FBN2: variants seen among roughly 807,000 people sequenced by gnomAD.
The protein encoded by FBN2 is fibrillin 2.
In FBN2, 105 loss-of-function variants were observed where a neutral mutation model predicts 355.6. The observed-to-expected ratio is 0.30, with a 90% CI of 0.25 to 0.35. FBN2 has a LOEUF of 0.35. FBN2 is among the 10% of genes least tolerant of loss of function. The pLI, the probability that FBN2 is intolerant of heterozygous loss-of-function variation, is 1.00. For synonymous variants in FBN2, 1,350 were observed against 1,301.2 expected, an observed-to-expected ratio of 1.04 and a Z score of -0.81; for missense variants, 3,280 against 3,758.7, an observed-to-expected ratio of 0.87 and a Z score of 3.33.
rs182151539 is a variant in FBN2 at position 128,277,200 on chromosome 5, A to T, written c.7471+680T>A. On this transcript the variant is annotated intron_variant, in intron 58 of 64. Coordinates refer to ENST00000262464, the MANE Select transcript of FBN2 (RefSeq NM_001999.4). ...TAATGAAATATAAAGGAGAAAAAAA[A>T]TTTTTTCTTTAATAAAAATGAAGTT... Among the ~76,000 whole-genome samples the T allele has an allele frequency of 6.3e-3, 965 of 152,248 alleles. 9 individuals are homozygous for T. The highest frequency in any genetic ancestry group is 0.022 in the African/African-American group (911 of 41,526).
At chr5:128,439,819 C>T (rs981354150) in intron 7 of FBN2, among the ~76,000 whole-genome samples, 1 of 152,006 alleles carries the variant, frequency 6.6e-6, no homozygotes, top group African/African-American at 2.4e-5. Context: ...AGGTCTAAGA[C>T]TATATAAAAA....
chr5:128,391,940 TATTC>T (rs1752522488), intron 11 of FBN2, 74 bp downstream of exon 11: 2 of 1,334,942 alleles, frequency 1.5e-6, no homozygotes, highest in Non-Finnish European at 2.1e-6. Context: ...AAAAAAATCA[TATTC>T]ATTCCAATTT....
At chr5:128,316,487 G>C (rs1581211060) in intron 36 of FBN2, among the ~76,000 whole-genome samples, 1 of 152,150 alleles carries the variant, frequency 6.6e-6, no homozygotes, top group African/African-American at 2.4e-5. Flanking sequence ...ACGCAATAAA[G>C]TGTCAATCCA....
At chr5:128,510,908 C>T (rs566243902) in intron 5 of FBN2, among the ~76,000 whole-genome samples, 1 of 152,246 alleles carries the variant, frequency 6.6e-6, no homozygotes, top group South Asian at 2.1e-4. Context: ...GGTTATACCA[C>T]CAGTGTTCCA....
intron 11 of FBN2, among the ~76,000 whole-genome samples, chr5:128,388,150 T>C (rs1158290867): frequency 6.6e-6 from 1 of 152,158 alleles, no homozygotes; most frequent in East Asian, 1.9e-4. Flanking sequence ...TTGTCTTAAA[T>C]TAGAATAGCA....
intron 5 of FBN2, among the ~76,000 whole-genome samples, chr5:128,517,724 A>C (rs1362718867): frequency 6.6e-6 from 1 of 152,308 alleles, no homozygotes; most frequent in African/African-American, 2.4e-5. Context: ...TGTCAGGGTA[A>C]TGAGTATAAT....
intron 34 of FBN2, among the ~76,000 whole-genome samples, chr5:128,321,226 T>C (rs758165499): frequency 1.7e-4 from 26 of 152,188 alleles, no homozygotes; most frequent in Non-Finnish European, 3.7e-4. Flanking sequence ...TTTTTCACAT[T>C]TCCTCAGAAT....
intron 5 of FBN2, among the ~76,000 whole-genome samples, chr5:128,468,026 A>G (rs1303199058): frequency 1.3e-5 from 2 of 152,168 alleles, no homozygotes; most frequent in Non-Finnish European, 2.9e-5. Context: ...TTTTTAGTAA[A>G]TTTATTGAAT....
At chr5:128,281,299 G>A (rs759766867) in intron 55 of FBN2, among the ~76,000 whole-genome samples, 1 of 152,234 alleles carries the variant, frequency 6.6e-6, no homozygotes, top group African/African-American at 2.4e-5. Context: ...CTGTGGGATT[G>A]CCCTCTTCCT....
chr5:128,491,266 T>C (rs1755496741), intron 5 of FBN2, among the ~76,000 whole-genome samples: 1 of 152,226 alleles, frequency 6.6e-6, no homozygotes, highest in Admixed American at 6.5e-5. Context: ...CAGCAAGCCA[T>C]TTACTTTCAA....
intron 32 of FBN2, among the ~76,000 whole-genome samples, chr5:128,332,380 C>G (rs1419436666): frequency 6.6e-6 from 1 of 152,190 alleles, no homozygotes; most frequent in Non-Finnish European, 1.5e-5. Flanking sequence ...TAAAAGACTT[C>G]TTAGACTCTG....
intron 45 of FBN2, among the ~76,000 whole-genome samples, chr5:128,304,044 A>G (rs79416208): frequency 0.043 from 6,520 of 152,266 alleles, 443 homozygotes; most frequent in African/African-American, 0.14. Flanking sequence ...TACTCCAGGT[A>G]TTCCCTGTTG....
At position 128,345,581 on chromosome 5, in the gene FBN2, A is replaced by T. The variant is rs1040679262; in HGVS notation, c.2993T>A (p.Ile998Asn). ...LDGTGRVCLD[I>N]RMEQCYLKWD... The stretch of plus-strand genomic sequence containing the variant: ...CTTCAAGTAACACTGCTCCATGCGA[A>T]TATCTACACCGAGAACGAAATCACA... The change falls in exon 24 of 65, where the codon ATT becomes AAT. Residue 998 changes from isoleucine to asparagine, a missense_variant. Transcript: ENST00000262464. 7 of 1,612,512 alleles carry T rather than the reference A, an allele frequency of 4.3e-6. No individual in the cohort carries two copies. In the African/African-American group the frequency reaches 5.3e-5, roughly 12 times the overall value.
At chr5:128,395,098 G>A in intron 9 of FBN2, 24 bp downstream of exon 9, 2 of 1,613,634 alleles carry the variant, frequency 1.2e-6, no homozygotes, top group Non-Finnish European at 1.7e-6. Context: ...TCTGTGCTGA[G>A]GAGACTAACA....
intron 27 of FBN2, 136 bp downstream of exon 27, chr5:128,337,861 G>C: frequency 1.1e-6 from 1 of 903,884 alleles, no homozygotes. Context: ...CCTGCATCCA[G>C]ATGTAGGGAA....
At chr5:128,271,895 A>G in intron 62 of FBN2, 104 bp downstream of exon 62, 1 of 1,377,726 alleles carries the variant, frequency 7.3e-7, no homozygotes, top group Non-Finnish European at 1.0e-6. Context: ...AAAGTCTAAA[A>G]TTCAAAGGCT....
intron 41 of FBN2, 66 bp from the exon 42 acceptor site, chr5:128,307,269 A>G: frequency 1.1e-6 from 1 of 911,264 alleles, no homozygotes; most frequent in Admixed American, 1.7e-5. Flanking sequence ...AACATTTTGT[A>G]TTACTTTCAC....
chr5:128,331,154 GT>G (rs1255705929), intron 32 of FBN2, among the ~76,000 whole-genome samples: 1 of 152,162 alleles, frequency 6.6e-6, no homozygotes, highest in East Asian at 1.9e-4. Flanking sequence ...AAAGACAGAT[GT>G]TAAACACAGA....
At chr5:128,432,184 T>A (rs1472417809) in intron 7 of FBN2, among the ~76,000 whole-genome samples, 1 of 152,210 alleles carries the variant, frequency 6.6e-6, no homozygotes, top group African/African-American at 2.4e-5. Context: ...TAATCAATAA[T>A]ATTTTCAGGA....
Sources: gnomAD v4.1 joint callset for allele counts (sites outside exome capture counted in the v4.1 genomes callset) on GRCh38, gnomAD v4.1.1 for gene constraint, MANE v1.5 for transcripts, NCBI Gene and HGNC (gene_info 2026-07-23, HGNC 2026-07-21) for gene names.